The following LYRM1 variants were observed in gnomAD, a reference collection of about 807,000 sequenced individuals.
LYRM1 encodes LYR motif-containing protein 1.
Under a neutral mutation model 14.9 loss-of-function variants are expected in LYRM1, and 14 were observed. The observed-to-expected ratio is 0.94, with a 90% CI of 0.62 to 1.47. The LOEUF is 1.47. Ranked by LOEUF, LYRM1 falls within the 40% of genes most tolerant of loss-of-function variation. The pLI is 0.00. For missense variants in LYRM1, 153 were observed against 149.9 expected (o/e 1.02, Z -0.11); for synonymous variants, 43 against 56.2 (o/e 0.77, Z 1.05).
chr16:20,909,518 T>C (rs148981881), intron 1 of LYRM1, among the ~76,000 whole-genome samples: 1 of 152,328 alleles, frequency 6.6e-6, no homozygotes, highest in East Asian at 1.9e-4. Flanking sequence ...GTATTGCTGG[T>C]AAGAAAATCC....
At chr16:20,916,008 G>A (rs1169723448) in intron 2 of LYRM1, among the ~76,000 whole-genome samples, 1 of 152,196 alleles carries the variant, frequency 6.6e-6, no homozygotes, top group Non-Finnish European at 1.5e-5. Flanking sequence ...GGAGGAGCCA[G>A]TCCTCATACT....
At chr16:20,903,728 G>C (rs1013439446) in intron 1 of LYRM1, among the ~76,000 whole-genome samples, 3 of 151,920 alleles carry the variant, frequency 2.0e-5, no homozygotes, top group Non-Finnish European at 4.4e-5. Flanking sequence ...TGATGGTGGA[G>C]GAAGCTGTCC....
chr16:20,905,936 G>A (rs1429365282), intron 1 of LYRM1, among the ~76,000 whole-genome samples: 1 of 152,138 alleles, frequency 6.6e-6, no homozygotes, highest in Non-Finnish European at 1.5e-5. Flanking sequence ...AGATACCATC[G>A]TGTGTATCTC....
intron 1 of LYRM1, among the ~76,000 whole-genome samples, chr16:20,904,811 G>T (rs971925688): frequency 6.6e-6 from 1 of 151,736 alleles, no homozygotes; most frequent in Non-Finnish European, 1.5e-5. Flanking sequence ...GAATATGGGT[G>T]TACACCAAAA....
chr16:20,923,115 A>G (rs751620683), intron 3 of LYRM1, among the ~76,000 whole-genome samples: 2 of 152,156 alleles, frequency 1.3e-5, no homozygotes, highest in Non-Finnish European at 2.9e-5. Context: ...CACTGATTCA[A>G]ATGCTAATCT....
intron 1 of LYRM1, among the ~76,000 whole-genome samples, chr16:20,905,606 C>T (rs760921020): frequency 4.6e-5 from 7 of 152,104 alleles, no homozygotes; most frequent in Non-Finnish European, 8.8e-5. Flanking sequence ...GGACCTTATT[C>T]CCCAAAAGGA....
At chr16:20,903,588 C>T (rs1341664265) in intron 1 of LYRM1, among the ~76,000 whole-genome samples, 1 of 152,166 alleles carries the variant, frequency 6.6e-6, no homozygotes, top group African/African-American at 2.4e-5. Context: ...TCTTGGTCAG[C>T]ATTGGACTGG....
intron 1 of LYRM1, among the ~76,000 whole-genome samples, chr16:20,905,641 A>G (rs981740292): frequency 1.3e-5 from 2 of 152,164 alleles, no homozygotes; most frequent in African/African-American, 4.8e-5. Flanking sequence ...AAGTATCAGA[A>G]CCCCATTCTT....
At position 20,915,614 on chromosome 16, in the gene LYRM1, C is replaced by G; in HGVS notation, c.59C>G (p.Ala20Gly). 1 of 1,613,982 alleles carries G rather than the reference C, an allele frequency of 6.2e-7. No homozygotes were observed. The stretch of plus-strand genomic sequence containing the variant: ...CTCTACCGCAGCATTTTCAGGCTTG[C>G]GAGGAAATGGCAGGCGACATCAGGG... The part of the protein sequence containing the change: ...LGLYRSIFRL[A>G]RKWQATSGQM... The change falls in exon 2 of 4, where the codon GCG becomes GGG. Residue 20 changes from alanine (A) to glycine (G), a missense_variant. By Grantham distance (60) the Ala-to-Gly change is moderately conservative (BLOSUM62 0). Coordinates refer to ENST00000567954, the MANE Select transcript of LYRM1 (RefSeq NM_001128302.3).
At chr16:20,902,184 G>T (rs2082098173) in intron 1 of LYRM1, among the ~76,000 whole-genome samples, 1 of 152,228 alleles carries the variant, frequency 6.6e-6, no homozygotes, top group South Asian at 2.1e-4. Context: ...GGGAGGTAGT[G>T]CTTGCAGGAC....
chr16:20,913,116 A>T (rs938557444), intron 1 of LYRM1, among the ~76,000 whole-genome samples: 1 of 150,636 alleles, frequency 6.6e-6, no homozygotes, highest in African/African-American at 2.4e-5. Flanking sequence ...AATAAATAAA[A>T]CTTGCAAAGC....
rs1465741098 is a variant in LYRM1 at position 20,924,774 on chromosome 16, C to T, written c.*658C>T. Reference sequence around the variant, plus strand: ...GCTCACTTTAAACTCATACTACATTCGTTACGAGTATTTTACGTTAACATA... The same window carrying T: ...GCTCACTTTAAACTCATACTACATTTGTTACGAGTATTTTACGTTAACATA... On this transcript the variant is annotated 3_prime_UTR_variant, in exon 4 of 4. Coordinates refer to ENST00000567954, the MANE Select transcript of LYRM1 (RefSeq NM_001128302.3). 2.6e-5 allele frequency: 4 copies of T among 152,186 alleles called. No homozygotes were observed. The highest frequency in any genetic ancestry group is 4.8e-5 in the African/African-American group (2 of 41,452). 9.4% of individuals were successfully genotyped at this position (152,186 alleles called of 1,614,324 possible). A position where few individuals can be genotyped will look rare whatever the true frequency, so the allele number is the denominator to read the frequency against.
chr16:20,911,868 G>A (rs964319639), intron 1 of LYRM1, among the ~76,000 whole-genome samples: 2 of 152,106 alleles, frequency 1.3e-5, no homozygotes, highest in African/African-American at 4.8e-5. Context: ...AAAGTACTGG[G>A]ATTATAGGAA....
intron 3 of LYRM1, among the ~76,000 whole-genome samples, chr16:20,922,417 A>G (rs2083241921): frequency 6.6e-6 from 1 of 152,206 alleles, no homozygotes; most frequent in Admixed American, 6.5e-5. Context: ...GTATATGTGA[A>G]GAGATTTATT....
chr16:20,921,976 T>C (rs1329327344), intron 3 of LYRM1: 1 of 151,462 alleles, frequency 6.6e-6, no homozygotes, highest in African/African-American at 2.4e-5. Context: ...CACATCTTTG[T>C]ATGTAGCTCT....
chr16:20,917,363 A>G (rs1358379153), intron 2 of LYRM1, among the ~76,000 whole-genome samples: 2 of 152,042 alleles, frequency 1.3e-5, no homozygotes, highest in African/African-American at 2.4e-5. Flanking sequence ...ACACAGTTAC[A>G]ATGAACTTGT....
At chr16:20,917,836 CTTT>C (rs1174586560) in intron 2 of LYRM1, among the ~76,000 whole-genome samples, 5 of 151,634 alleles carry the variant, frequency 3.3e-5, no homozygotes, top group Non-Finnish European at 7.4e-5. Context: ...CTTTTTTCTT[CTTT>C]ATTTTATTTA....
intron 2 of LYRM1, among the ~76,000 whole-genome samples, chr16:20,919,593 C>G (rs992492910): frequency 2.0e-5 from 3 of 152,100 alleles, no homozygotes; most frequent in African/African-American, 4.8e-5. Context: ...TTGGAAATAA[C>G]TTAATTATCC....
Position 20,916,362 on chromosome 16 carries a change from C to T in LYRM1, c.159+648C>T, listed in dbSNP as rs562084903. Among the ~76,000 whole-genome samples the T allele has an allele frequency of 1.5e-3, 230 of 152,264 alleles. 1 individual carries two copies. The highest frequency in any genetic ancestry group is 5.3e-3 in the African/African-American group (222 of 41,540). On this transcript the variant is annotated intron_variant, in intron 2 of 3. Transcript: ENST00000567954. ...GTTAGCTCCGGGGAAGACCTCCCGG[C>T]ACTAAGCATGGAAAAAGGCTTTCAC...
Sources: allele counts gnomAD v4.1 joint callset (sites outside exome capture counted in the v4.1 genomes callset), GRCh38; gene constraint gnomAD v4.1.1; transcripts MANE v1.5; gene names NCBI Gene and HGNC (gene_info 2026-07-23, HGNC 2026-07-21).